Variants in CCDC178 observed in about 807,000 individuals in gnomAD.
CCDC178 encodes coiled-coil domain-containing protein 178.
Under a neutral mutation model 117.4 loss-of-function variants are expected in CCDC178, and 126 were observed. That is an observed-to-expected ratio of 1.07 (90% CI 0.93 to 1.24). The LOEUF (loss-of-function observed/expected upper bound fraction) is 1.24, where lower values mean the gene tolerates loss of function less well. Among genes scored for constraint, CCDC178 ranks in the 50% most tolerant of loss-of-function variants. CCDC178 has a pLI of 0.00. For missense variants in CCDC178, 1,030 were observed against 986.9 expected, an observed-to-expected ratio of 1.04 and a Z score of -0.59; for synonymous variants, 283 against 313.4, an observed-to-expected ratio of 0.90 and a Z score of 1.02.
intron 11 of CCDC178, among the ~76,000 whole-genome samples, chr18:33,301,081 G>T (rs1360252072): frequency 6.6e-6 from 1 of 152,198 alleles, no homozygotes; most frequent in Non-Finnish European, 1.5e-5. Context: ...CTGGGATGCT[G>T]CTTCCCTGCT....
chr18:33,229,365 G>A (rs927401475), intron 15 of CCDC178, among the ~76,000 whole-genome samples: 1 of 152,108 alleles, frequency 6.6e-6, no homozygotes, highest in African/African-American at 2.4e-5. Context: ...GGAGAATCTG[G>A]GCAGTTACAT....
chr18:32,980,829 A>C (rs2055141070), intron 21 of CCDC178, among the ~76,000 whole-genome samples: 1 of 152,212 alleles, frequency 6.6e-6, no homozygotes, highest in African/African-American at 2.4e-5. Flanking sequence ...TTAAACTCAT[A>C]TGCTGTTCAA....
intron 21 of CCDC178, among the ~76,000 whole-genome samples, chr18:33,005,730 T>C (rs73415438): frequency 0.14 from 20,930 of 151,984 alleles, 1,966 homozygotes; most frequent in African/African-American, 0.27. Context: ...CATACATATA[T>C]ATATCCACTA....
At chr18:33,362,009 C>T (rs774291360) in intron 6 of CCDC178, among the ~76,000 whole-genome samples, 4 of 151,650 alleles carry the variant, frequency 2.6e-5, no homozygotes, top group Non-Finnish European at 5.9e-5. Flanking sequence ...CACCCATATT[C>T]GCTGCAGCAT....
At chr18:33,139,815 C>T (rs951778415) in intron 20 of CCDC178, among the ~76,000 whole-genome samples, 3 of 152,116 alleles carry the variant, frequency 2.0e-5, no homozygotes, top group Admixed American at 6.5e-5. Flanking sequence ...GCGTAAGTAA[C>T]GAGAAGCCAA....
chr18:33,005,632 A>G (rs922173889), intron 21 of CCDC178, among the ~76,000 whole-genome samples: 12 of 152,082 alleles, frequency 7.9e-5, no homozygotes, highest in Non-Finnish European at 1.6e-4. Context: ...TGTGACACAA[A>G]GAAAGGATAA....
chr18:33,233,530 A>G (rs1473615865), intron 15 of CCDC178, among the ~76,000 whole-genome samples: 2 of 152,060 alleles, frequency 1.3e-5, no homozygotes, highest in Non-Finnish European at 2.9e-5. Context: ...ATTTATCACA[A>G]TTACTGGGAG....
At chr18:33,172,825 G>A (rs1047337081) in intron 20 of CCDC178, among the ~76,000 whole-genome samples, 1 of 152,052 alleles carries the variant, frequency 6.6e-6, no homozygotes, top group African/African-American at 2.4e-5. Flanking sequence ...TTTAATGAAG[G>A]ATGCATAATT....
intron 22 of CCDC178, among the ~76,000 whole-genome samples, chr18:32,971,390 A>C (rs2054922727): frequency 6.6e-6 from 1 of 152,122 alleles, no homozygotes; most frequent in African/African-American, 2.4e-5. Flanking sequence ...TCCATGGTGT[A>C]TATGTGCCAC....
At chr18:33,413,933 T>G (rs773190697) in intron 2 of CCDC178, among the ~76,000 whole-genome samples, 12 of 152,128 alleles carry the variant, frequency 7.9e-5, no homozygotes, top group Non-Finnish European at 1.8e-4. Flanking sequence ...AGCCTCAAAT[T>G]ACCCGGGTAA....
intron 20 of CCDC178, among the ~76,000 whole-genome samples, chr18:33,108,102 T>C (rs905473188): frequency 4.0e-5 from 6 of 151,760 alleles, no homozygotes; most frequent in African/African-American, 1.2e-4. Flanking sequence ...TTACCAACCA[T>C]AGTGATAAGT....
chr18:33,212,675 G>T (rs1238609464), intron 19 of CCDC178, among the ~76,000 whole-genome samples: 1 of 151,928 alleles, frequency 6.6e-6, no homozygotes, highest in Non-Finnish European at 1.5e-5. Flanking sequence ...TAAGATGATA[G>T]ATTTTTTTAT....
Position 32,987,910 on chromosome 18 carries a change from C to T in CCDC178, c.2389-13229G>A, listed in dbSNP as rs552874662. ...GCCAAGAGTTTGAGACCAGCCTGGA[C>T]AACATAGTGAAACCCTGTCTCTACT... is the stretch of plus-strand genomic sequence containing the variant. On this transcript the variant is annotated intron_variant, in intron 21 of 22. Transcript: ENST00000383096. Among the ~76,000 whole-genome samples, 17 of 151,202 alleles carry T rather than the reference C, an allele frequency of 1.1e-4. 1 individual carries two copies. The South Asian group carries it at 3.1e-3, about 28-fold the overall frequency.
intron 20 of CCDC178, among the ~76,000 whole-genome samples, chr18:33,123,688 G>C (rs1253000802): frequency 1.3e-5 from 2 of 152,030 alleles, no homozygotes; most frequent in Non-Finnish European, 2.9e-5. Context: ...ATAAAAACAT[G>C]TCAGCAATCG....
Position 32,974,586 on chromosome 18 carries a change from T to TGAGA in CCDC178, c.2483_2484insTCTC (p.Asp829LeufsTer51). Reference sequence around the variant, plus strand: ...TTTTCTGAATACTCTCCTGAGAGTCTGTCTGGAAGTTGGCCAGCCTCATCT... The same window carrying TGAGA: ...TTTTCTGAATACTCTCCTGAGAGTCTGAGAGTCTGGAAGTTGGCCAGCCTCATCT... On this transcript the variant is annotated frameshift_variant, in exon 22 of 23. Coordinates refer to ENST00000383096, the MANE Select transcript of CCDC178 (RefSeq NM_001105528.4). LOFTEE classifies it high-confidence loss of function. 3.1e-6 allele frequency: 5 copies of TGAGA among 1,613,766 alleles called. No homozygotes were observed. The highest frequency in any genetic ancestry group is 2.5e-6 in the Non-Finnish European group (3 of 1,179,822).
intron 21 of CCDC178, among the ~76,000 whole-genome samples, chr18:33,019,688 G>A (rs1181816342): frequency 6.6e-6 from 1 of 151,944 alleles, no homozygotes; most frequent in African/African-American, 2.4e-5. Flanking sequence ...TTCCTTCCAT[G>A]TTACAGTAAG....
chr18:33,280,748 A>G (rs2060013450), intron 12 of CCDC178, among the ~76,000 whole-genome samples: 1 of 152,224 alleles, frequency 6.6e-6, no homozygotes, highest in Admixed American at 6.5e-5. Context: ...TGTGGCACAT[A>G]TACATGATGG....
At chr18:33,255,642 G>A (rs28485227) in intron 14 of CCDC178, among the ~76,000 whole-genome samples, 2 of 151,944 alleles carry the variant, frequency 1.3e-5, no homozygotes, top group Non-Finnish European at 2.9e-5. Flanking sequence ...AGGGGAGAGA[G>A]TAGATACTCC....
chr18:33,265,257 T>A (rs546266153), intron 14 of CCDC178, among the ~76,000 whole-genome samples: 3 of 150,648 alleles, frequency 2.0e-5, no homozygotes, highest in Non-Finnish European at 2.9e-5. Flanking sequence ...TAGCATAGTA[T>A]GTGTCAGACT....
Sources: gnomAD v4.1 joint callset for allele counts (sites outside exome capture counted in the v4.1 genomes callset) on GRCh38, gnomAD v4.1.1 for gene constraint, MANE v1.5 for transcripts, NCBI Gene and HGNC (gene_info 2026-07-23, HGNC 2026-07-21) for gene names.